The following SDK1 variants were observed in gnomAD, a reference collection of about 807,000 sequenced individuals.
SDK1 encodes sidekick cell adhesion molecule 1, also known as protein sidekick-1.
Under a neutral mutation model 245.5 loss-of-function variants are expected in SDK1, and 157 were observed. The observed-to-expected ratio is 0.64, with a 90% confidence interval of 0.56 to 0.73. The LOEUF (loss-of-function observed/expected upper bound fraction) is 0.73, where lower values mean the gene tolerates loss of function less well. Ranked by LOEUF, SDK1 falls within the 30% of genes least tolerant of loss-of-function variation. SDK1 has a pLI of 0.00. For missense variants in SDK1, 3,583 were observed against 3,002.3 expected, an observed-to-expected ratio of 1.19 and a Z score of -4.52; for synonymous variants, 1,647 against 1,278.5, an observed-to-expected ratio of 1.29 and a Z score of -6.15.
At chr7:3,502,825 C>T (rs116058884) in intron 1 of SDK1, among the ~76,000 whole-genome samples, 4,063 of 152,196 alleles carry the variant, frequency 0.027, 198 homozygotes, top group African/African-American at 0.094. Flanking sequence ...TCAGCTTCAG[C>T]TTTTGATTTT....
chr7:4,067,455 C>A (rs1243381114), intron 19 of SDK1, among the ~76,000 whole-genome samples: 2 of 152,118 alleles, frequency 1.3e-5, no homozygotes, highest in Admixed American at 1.3e-4. Context: ...CAGATGGCCC[C>A]CACACAAGCC....
intron 1 of SDK1, among the ~76,000 whole-genome samples, chr7:3,561,649 C>G (rs1779756232): frequency 1.3e-5 from 2 of 152,172 alleles, no homozygotes. Flanking sequence ...CAATTTTAAT[C>G]TGATGACTTA....
chr7:3,457,030 G>A (rs949303137), intron 1 of SDK1, among the ~76,000 whole-genome samples: 1 of 152,136 alleles, frequency 6.6e-6, no homozygotes, highest in East Asian at 1.9e-4. Context: ...CCGCAGTCCT[G>A]GCTGCCTGGG....
chr7:3,747,481 A>C (rs1779658052), intron 4 of SDK1, among the ~76,000 whole-genome samples: 1 of 152,352 alleles, frequency 6.6e-6, no homozygotes, highest in East Asian at 1.9e-4. Context: ...GTTTACTAAG[A>C]TTTTATTTAT....
intron 4 of SDK1, among the ~76,000 whole-genome samples, chr7:3,715,871 A>G (rs1434895048): frequency 6.6e-6 from 1 of 152,254 alleles, no homozygotes; most frequent in Non-Finnish European, 1.5e-5. Flanking sequence ...AGCAGCCATC[A>G]TAAAAGGGCG....
At chr7:3,829,580 C>T (rs1245514909) in intron 5 of SDK1, among the ~76,000 whole-genome samples, 6 of 152,122 alleles carry the variant, frequency 3.9e-5, no homozygotes, top group South Asian at 2.1e-4. Flanking sequence ...CCAAAACCCT[C>T]GTTTCTCCAA....
rs542863051 is a variant in SDK1, at chr7:3,604,137, A to C, written c.299-14943A>C. Among the ~76,000 whole-genome samples the C allele has an allele frequency of 1.1e-3, 164 of 152,206 alleles. 1 individual carries two copies. Among genetic ancestry groups the C allele is most frequent in the African/African-American group, 3.9e-3 (160 of 41,516 alleles). Reference sequence around the variant, plus strand: ...GATGTTCATCAAGGCTATTGGTCTAAAATTCTCTTTTTTGGTTGTGTCTCT... The same window carrying C: ...GATGTTCATCAAGGCTATTGGTCTACAATTCTCTTTTTTGGTTGTGTCTCT... On this transcript the variant is annotated intron_variant, in intron 1 of 44. Transcript: ENST00000404826.
intron 1 of SDK1, among the ~76,000 whole-genome samples, chr7:3,331,722 T>G (rs1780073725): frequency 6.6e-6 from 1 of 152,196 alleles, no homozygotes. Flanking sequence ...GGATACCAGG[T>G]TCATAAGATT....
At chr7:4,155,162 C>T (rs1163921114) in intron 30 of SDK1, among the ~76,000 whole-genome samples, 1 of 152,004 alleles carries the variant, frequency 6.6e-6, no homozygotes, top group Non-Finnish European at 1.5e-5. Flanking sequence ...CTCCCATCGG[C>T]TGCCTGCTGG....
intron 4 of SDK1, among the ~76,000 whole-genome samples, chr7:3,646,487 C>T (rs984623025): frequency 1.3e-5 from 2 of 152,118 alleles, no homozygotes; most frequent in African/African-American, 4.8e-5. Context: ...GTATAATTAG[C>T]TCTATGTATA....
At chr7:3,806,179 A>C (rs1199799697) in intron 4 of SDK1, among the ~76,000 whole-genome samples, 2 of 152,256 alleles carry the variant, frequency 1.3e-5, no homozygotes, top group African/African-American at 2.4e-5. Context: ...ACTTTGTCTC[A>C]CATGGACTCA....
intron 1 of SDK1, among the ~76,000 whole-genome samples, chr7:3,417,668 G>A (rs575973428): frequency 2.0e-5 from 3 of 152,098 alleles, no homozygotes; most frequent in African/African-American, 7.2e-5. Flanking sequence ...TATATTTGTT[G>A]CCTTTCTAGA....
chr7:3,409,479 A>G (rs778102705), intron 1 of SDK1, among the ~76,000 whole-genome samples: 2 of 152,086 alleles, frequency 1.3e-5, no homozygotes, highest in Non-Finnish European at 2.9e-5. Context: ...TTGAAGTGTT[A>G]CTGCTTCTAT....
rs546084162 is a variant in SDK1, at chr7:3,668,617, C to G, written c.713+26512C>G. Among the ~76,000 whole-genome samples the G allele has an allele frequency of 3.3e-5, 5 of 152,212 alleles. No individual in the cohort carries two copies. The South Asian group carries it at 1.0e-3, about 32-fold the overall frequency. ...ACCAGCCTGGCCAATATGGTGAAAC[C>G]CCATCTCTACTAAAAATACAAAAAT... On this transcript the variant is annotated intron_variant, in intron 4 of 44. Coordinates refer to ENST00000404826, the MANE Select transcript of SDK1 (RefSeq NM_152744.4).
intron 1 of SDK1, among the ~76,000 whole-genome samples, chr7:3,355,473 C>A (rs901221378): frequency 6.6e-6 from 1 of 152,210 alleles, no homozygotes; most frequent in Non-Finnish European, 1.5e-5. Flanking sequence ...GCCTGAGCCA[C>A]TGGGCCTGGC....
chr7:3,987,309 GCTCTC>G lies in SDK1; in HGVS notation c.2119_2123del (p.Leu707Ter). On this transcript the variant is annotated frameshift_variant, in exon 14 of 45. Coordinates refer to ENST00000404826, the MANE Select transcript of SDK1 (RefSeq NM_152744.4). LOFTEE classifies it high-confidence loss of function. The stretch of plus-strand genomic sequence containing the variant: ...GTCCTATTCTTTATTACATCGTGGA[GCTCTC>G]TGAAAACAGTAAGTAGCAAAATGAA... 1 of 1,613,938 alleles carries G rather than the reference GCTCTC, an allele frequency of 6.2e-7. No homozygotes were observed. Among genetic ancestry groups the G allele is most frequent in the Non-Finnish European group, 8.5e-7 (1 of 1,179,930 alleles).
chr7:4,075,875 A>T (rs1322873197), intron 20 of SDK1, among the ~76,000 whole-genome samples: 2 of 151,442 alleles, frequency 1.3e-5, no homozygotes, highest in African/African-American at 4.9e-5. Flanking sequence ...CTGGTCTCCA[A>T]CTCCTGAGCT....
chr7:3,705,064 A>G (rs1040846422), intron 4 of SDK1, among the ~76,000 whole-genome samples: 1 of 152,180 alleles, frequency 6.6e-6, no homozygotes, highest in Non-Finnish European at 1.5e-5. Context: ...CTTTTGTATC[A>G]GTACCATGCT....
chr7:3,759,365 T>C (rs1780027279), intron 4 of SDK1, among the ~76,000 whole-genome samples: 1 of 152,018 alleles, frequency 6.6e-6, no homozygotes, highest in African/African-American at 2.4e-5. Flanking sequence ...ATATAGAAAA[T>C]AAATGTGTAT....
Sources: gnomAD v4.1 joint callset for allele counts (sites outside exome capture counted in the v4.1 genomes callset) on GRCh38, gnomAD v4.1.1 for gene constraint, MANE v1.5 for transcripts, NCBI Gene and HGNC (gene_info 2026-07-23, HGNC 2026-07-21) for gene names.